The following SPMIP7 variants were observed in gnomAD, a reference collection of about 807,000 sequenced individuals.
SPMIP7 encodes the protein sperm microtubule inner protein 7, also known as protein SPMIP7.
chr7:50,129,467 CTCT>C, the SPMIP7 span, among the ~76,000 whole-genome samples: 1 of 151,960 alleles, frequency 6.6e-6, no homozygotes, highest in Non-Finnish European at 1.5e-5. Flanking sequence ...CAAGAGCTTT[CTCT>C]TAAGTTCTCA....
the SPMIP7 span, among the ~76,000 whole-genome samples, chr7:50,115,812 G>A: frequency 6.6e-6 from 1 of 152,096 alleles, no homozygotes; most frequent in Non-Finnish European, 1.5e-5. Context: ...TGACAAAAAG[G>A]ATTGACATTA....
the SPMIP7 span, among the ~76,000 whole-genome samples, chr7:50,139,021 G>A: frequency 6.6e-6 from 1 of 152,030 alleles, no homozygotes; most frequent in Non-Finnish European, 1.5e-5. Context: ...AAATTGAATG[G>A]TAATCGTTTA....
the SPMIP7 span, among the ~76,000 whole-genome samples, chr7:50,111,656 A>G: frequency 9.9e-5 from 15 of 152,178 alleles, no homozygotes; most frequent in Non-Finnish European, 1.8e-4. Context: ...TCTTTGTTAG[A>G]AAAGAAATGA....
the SPMIP7 span, among the ~76,000 whole-genome samples, chr7:50,145,030 G>A: frequency 2.6e-5 from 4 of 151,986 alleles, no homozygotes; most frequent in African/African-American, 9.7e-5. Flanking sequence ...GGGAAGCCGA[G>A]GCGGGTGGAT....
At chr7:50,105,514 T>C in the SPMIP7 span, among the ~76,000 whole-genome samples, 1 of 152,230 alleles carries the variant, frequency 6.6e-6, no homozygotes, top group Non-Finnish European at 1.5e-5. Flanking sequence ...TCTAGTTTAC[T>C]ACAAAGGGAA....
the SPMIP7 span, among the ~76,000 whole-genome samples, chr7:50,126,379 GT>G: frequency 0.22 from 32,841 of 149,078 alleles, 3,781 homozygotes; most frequent in Admixed American, 0.29. Context: ...ATATATATCT[GT>G]TTTTTTTTTA....
the SPMIP7 span, among the ~76,000 whole-genome samples, chr7:50,152,771 C>T: frequency 1.2e-4 from 18 of 152,108 alleles, no homozygotes; most frequent in South Asian, 1.9e-3. Context: ...ACTGCAACCT[C>T]TTTCTCCTGG....
At chr7:50,147,985 C>T in the SPMIP7 span, among the ~76,000 whole-genome samples, 21 of 152,158 alleles carry the variant, frequency 1.4e-4, no homozygotes, top group Non-Finnish European at 7.3e-5. Context: ...ATCCATTTCC[C>T]GGCTTGTATG....
chr7:50,130,952 G>A, the SPMIP7 span, among the ~76,000 whole-genome samples: 3 of 152,152 alleles, frequency 2.0e-5, no homozygotes, highest in Non-Finnish European at 4.4e-5. Flanking sequence ...CTAGGAACCA[G>A]ATCTTGTGGG....
chr7:50,105,821 T>C, the SPMIP7 span, among the ~76,000 whole-genome samples: 1 of 152,188 alleles, frequency 6.6e-6, no homozygotes, highest in African/African-American at 2.4e-5. Flanking sequence ...TTTTATTTAT[T>C]CTATCTTGAA....
the SPMIP7 span, among the ~76,000 whole-genome samples, chr7:50,119,997 A>T: frequency 6.6e-6 from 1 of 152,210 alleles, no homozygotes; most frequent in Non-Finnish European, 1.5e-5. Flanking sequence ...CTCTGCTCAC[A>T]TGCCACCAGG....
chr7:50,124,968 G>C, the SPMIP7 span, among the ~76,000 whole-genome samples: 1 of 151,040 alleles, frequency 6.6e-6, no homozygotes, highest in Non-Finnish European at 1.5e-5. Context: ...GCATGGTGGC[G>C]GGTGCCTGTA....
At chr7:50,124,709 T>C in the SPMIP7 span, among the ~76,000 whole-genome samples, 1 of 152,206 alleles carries the variant, frequency 6.6e-6, no homozygotes, top group Non-Finnish European at 1.5e-5. Context: ...AAATTTTGTA[T>C]AATGCAGTTA....
chr7:50,135,829 A>C, the SPMIP7 span, among the ~76,000 whole-genome samples: 2 of 152,210 alleles, frequency 1.3e-5, no homozygotes, highest in Admixed American at 6.5e-5. Flanking sequence ...CAGACTTTCC[A>C]CATGGGTTTC....
the SPMIP7 span, among the ~76,000 whole-genome samples, chr7:50,110,102 T>A: frequency 4.6e-5 from 7 of 152,090 alleles, no homozygotes; most frequent in African/African-American, 1.7e-4. Context: ...CATATCTGAA[T>A]AAATAAAGCT....
the SPMIP7 span, among the ~76,000 whole-genome samples, chr7:50,100,656 C>CA: frequency 6.6e-6 from 1 of 151,794 alleles, no homozygotes; most frequent in Admixed American, 6.6e-5. Flanking sequence ...ACTAAAAATA[C>CA]AAAAAATTAG....
the SPMIP7 span, among the ~76,000 whole-genome samples, chr7:50,111,763 A>T: frequency 6.6e-6 from 1 of 152,176 alleles, no homozygotes; most frequent in African/African-American, 2.4e-5. Context: ...CTGTATCAAC[A>T]TGACAGTGTA....
At chr7:50,119,772 G>A in the SPMIP7 span, among the ~76,000 whole-genome samples, 5 of 152,154 alleles carry the variant, frequency 3.3e-5, no homozygotes, top group African/African-American at 9.7e-5. Flanking sequence ...TTGTGCTTCC[G>A]AGCATTGAAT....
At chr7:50,130,153 A>G in the SPMIP7 span, among the ~76,000 whole-genome samples, 1 of 152,180 alleles carries the variant, frequency 6.6e-6, no homozygotes, top group Non-Finnish European at 1.5e-5. Context: ...ACTATGAGCT[A>G]CATCAGTGAG....
Sources: allele counts gnomAD v4.1 joint callset (sites outside exome capture counted in the v4.1 genomes callset), GRCh38; gene constraint gnomAD v4.1.1; transcripts MANE v1.5; gene names NCBI Gene and HGNC (gene_info 2026-07-23, HGNC 2026-07-21).